The following ERCC8 variants were observed in gnomAD, a reference collection of about 807,000 sequenced individuals.
The protein encoded by ERCC8 is ERCC excision repair 8, CSA ubiquitin ligase complex subunit, also known as DNA excision repair protein ERCC-8.
Under a neutral mutation model 54.9 loss-of-function variants are expected in ERCC8, and 52 were observed. The ratio of observed to expected loss-of-function variants is 0.95; its 90% CI spans 0.76 to 1.19. The LOEUF (loss-of-function observed/expected upper bound fraction) is 1.19. ERCC8 is among the 50% of genes most tolerant of loss of function. ERCC8 has a pLI of 0.00. For synonymous variants in ERCC8, 146 were observed against 157.2 expected (o/e 0.93, Z 0.53); for missense variants, 514 against 466.1 (o/e 1.10, Z -0.95).
In ERCC8 at chr5:60,917,436, T is replaced by G. The variant is rs147483883; in HGVS notation, c.399+829A>C. 1.6e-4 allele frequency: 25 copies of G among 152,098 alleles called. No homozygotes were observed. In the East Asian group the frequency reaches 4.6e-3, roughly 28 times the overall value. The allele number at this position is 152,098 out of a possible 1,614,324, so 9.4% of individuals were successfully genotyped here. Reference sequence around the variant, plus strand: ...CCAGGCTGAGTTTAGACAATGGGAATCCCTAGAGGGTTTGGGTAGTGACAT... The same window carrying G: ...CCAGGCTGAGTTTAGACAATGGGAAGCCCTAGAGGGTTTGGGTAGTGACAT... On this transcript the variant is annotated intron_variant, in intron 4 of 11. Coordinates refer to ENST00000676185, the MANE Select transcript of ERCC8 (RefSeq NM_000082.4).
At chr5:60,915,774 T>G (rs1401701786) in intron 4 of ERCC8, among the ~76,000 whole-genome samples, 1 of 151,996 alleles carries the variant, frequency 6.6e-6, no homozygotes, top group East Asian at 1.9e-4. Context: ...TTTTTTAAGA[T>G]TCTTATGATT....
At chr5:60,940,927 A>T (rs1313243417) in intron 1 of ERCC8, among the ~76,000 whole-genome samples, 1 of 152,234 alleles carries the variant, frequency 6.6e-6, no homozygotes, top group East Asian at 1.9e-4. Context: ...TTCAACTTGC[A>T]TGGGAAAAGA....
In ERCC8 at chr5:60,868,181, A is replaced by T. The variant is rs977881256; in HGVS notation, c.*6434T>A. On this transcript the variant is annotated 3_prime_UTR_variant, in exon 12 of 12. Transcript: ENST00000676185. The stretch of plus-strand genomic sequence containing the variant: ...GGCAACAAGACGAAACTAGTTCTGT[A>T]AAACTTATGCAACCACCATTAACAA... Among the ~76,000 whole-genome samples, 2 of 152,244 alleles carry T rather than the reference A, an allele frequency of 1.3e-5. No homozygotes were observed. The highest frequency in any genetic ancestry group is 2.9e-5 in the Non-Finnish European group (2 of 68,038).
intron 3 of ERCC8, among the ~76,000 whole-genome samples, chr5:60,920,676 T>C (rs1345646997): frequency 6.6e-6 from 1 of 151,950 alleles, no homozygotes; most frequent in Non-Finnish European, 1.5e-5. Flanking sequence ...TATATGTCCA[T>C]TTTCAAATTC....
At chr5:60,890,823 C>G in intron 10 of ERCC8, 66 bp downstream of exon 10, 2 of 1,140,486 alleles carry the variant, frequency 1.8e-6, no homozygotes, top group Non-Finnish European at 2.6e-6. Context: ...ATAATTTATT[C>G]TTTTACATAT....
At chr5:60,918,616 G>A in intron 3 of ERCC8, 1 of 517,594 alleles carries the variant, frequency 1.9e-6, no homozygotes, top group South Asian at 2.0e-5. Flanking sequence ...GGGTCACAAT[G>A]TGAAAGATTC....
chr5:60,895,218 A>G (rs969721763), intron 9 of ERCC8, among the ~76,000 whole-genome samples: 3 of 150,798 alleles, frequency 2.0e-5, no homozygotes, highest in African/African-American at 4.9e-5. Context: ...TATAGGTTAG[A>G]TAAGTGTGTG....
intron 11 of ERCC8, among the ~76,000 whole-genome samples, chr5:60,882,086 C>T (rs1046523171): frequency 5.3e-5 from 8 of 152,186 alleles, no homozygotes; most frequent in African/African-American, 1.7e-4. Flanking sequence ...CGTGATCTGC[C>T]TACCTCAGCC....
At chr5:60,939,225 TTA>T (rs1750183041) in intron 1 of ERCC8, among the ~76,000 whole-genome samples, 1 of 152,214 alleles carries the variant, frequency 6.6e-6, no homozygotes, top group Non-Finnish European at 1.5e-5. Flanking sequence ...CGCAGCCATA[TTA>T]TATATTTCCA....
chr5:60,892,730 T>C, intron 9 of ERCC8: 2 of 695,876 alleles, frequency 2.9e-6, no homozygotes, highest in Non-Finnish European at 5.3e-6. Context: ...TGCCCACCTC[T>C]GAGCTGGGCC....
At chr5:60,889,966 C>T (rs1399583404) in intron 10 of ERCC8, among the ~76,000 whole-genome samples, 2 of 151,966 alleles carry the variant, frequency 1.3e-5, no homozygotes, top group African/African-American at 2.4e-5. Flanking sequence ...GTTAAGGTGA[C>T]GTCTAAGAGG....
At chr5:60,910,320 T>G (rs540037762) in intron 4 of ERCC8, among the ~76,000 whole-genome samples, 1 of 152,234 alleles carries the variant, frequency 6.6e-6, no homozygotes, top group African/African-American at 2.4e-5. Context: ...TATCTGATAG[T>G]GAAGTCTTCC....
In ERCC8 at chr5:60,944,954, G is replaced by A; in HGVS notation, c.55C>T (p.Arg19Trp). ...TACCTCCGTGTTGACTCTGCTCTCC[G>A]AAGGCGAAGAGGGTCCTCCAAACCC... is the stretch of plus-strand genomic sequence containing the variant. ...QTGLEDPLRL[R>W]RAESTRRVLG... Residue 19 changes from arginine to tryptophan, a missense_variant, in exon 1 of 12, where the codon CGG (arginine) becomes TGG (tryptophan). Physicochemically the swap from Arg to Trp is moderately radical, Grantham distance 101. Transcript: ENST00000676185. 3.1e-6 allele frequency: 5 copies of A among 1,614,022 alleles called. No individual in the cohort carries two copies. Among genetic ancestry groups the A allele is most frequent in the East Asian group, 2.2e-5 (1 of 44,862 alleles).
intron 4 of ERCC8, among the ~76,000 whole-genome samples, chr5:60,906,779 TA>T (rs1008003852): frequency 2.0e-5 from 3 of 151,028 alleles, no homozygotes; most frequent in African/African-American, 7.3e-5. Flanking sequence ...ATACATAAAA[TA>T]AAAAAAATAG....
At chr5:60,941,396 C>A (rs555873063) in intron 1 of ERCC8, among the ~76,000 whole-genome samples, 6 of 151,804 alleles carry the variant, frequency 4.0e-5, no homozygotes, top group Admixed American at 3.9e-4. Flanking sequence ...GAAAAAAGAT[C>A]GAAGGGAAAA....
chr5:60,874,772 G>C, intron 11 of ERCC8, 89 bp from the exon 12 acceptor site: 1 of 1,066,090 alleles, frequency 9.4e-7, no homozygotes, highest in Non-Finnish European at 1.4e-6. Flanking sequence ...AAATATATCA[G>C]ATAAATAGCA....
In ERCC8 at chr5:60,870,233, AAAC is replaced by A. The variant is rs1185922791; in HGVS notation, c.*4379_*4381del. Among the ~76,000 whole-genome samples, 1 of 152,122 alleles carries A rather than the reference AAAC, an allele frequency of 6.6e-6. No homozygotes were observed. The highest frequency in any genetic ancestry group is 2.4e-5 in the African/African-American group (1 of 41,416). On this transcript the variant is annotated 3_prime_UTR_variant, in exon 12 of 12. Coordinates refer to ENST00000676185, the MANE Select transcript of ERCC8 (RefSeq NM_000082.4). ...CACAAACTCTCAAAGTATAGGACAGAAACAACAAAACAAGTAATTATTAAGCAC... is the reference window on the plus strand; with the variant it reads ...CACAAACTCTCAAAGTATAGGACAGAAACAAAACAAGTAATTATTAAGCAC...
intron 2 of ERCC8, among the ~76,000 whole-genome samples, chr5:60,926,401 C>T (rs1427094474): frequency 6.6e-6 from 1 of 152,096 alleles, no homozygotes; most frequent in African/African-American, 2.4e-5. Flanking sequence ...TCTTGTGACC[C>T]AGTCACAAAT....
At chr5:60,899,567 A>C (rs1748813464) in intron 8 of ERCC8, 60 bp downstream of exon 8, 2 of 1,318,094 alleles carry the variant, frequency 1.5e-6, no homozygotes, top group Non-Finnish European at 2.2e-6. Context: ...GCTTCAATTA[A>C]AAATTTTCAA....
Sources: gnomAD v4.1 joint callset for allele counts (sites outside exome capture counted in the v4.1 genomes callset) on GRCh38, gnomAD v4.1.1 for gene constraint, MANE v1.5 for transcripts, NCBI Gene and HGNC (gene_info 2026-07-23, HGNC 2026-07-21) for gene names.